The following CNGA3 variants were observed in gnomAD, a reference collection of about 807,000 sequenced individuals.
The protein encoded by CNGA3 is cyclic nucleotide-gated channel alpha-3.
CNGA3 carries 42 observed loss-of-function variants against 46.6 expected under a neutral mutation model. The observed-to-expected ratio is 0.90, with a 90% CI of 0.70 to 1.17. The LOEUF is 1.17. Ranked by LOEUF, CNGA3 falls within the 50% of genes most tolerant of loss-of-function variation. CNGA3 has a pLI of 0.00. For synonymous variants in CNGA3, 394 were observed against 369.4 expected (o/e 1.07, Z -0.76); for missense variants, 893 against 890.7 (o/e 1.00, Z -0.03).
At chr2:98,371,014 AG>A (rs1185719099) in intron 2 of CNGA3, among the ~76,000 whole-genome samples, 3 of 151,954 alleles carry the variant, frequency 2.0e-5, no homozygotes, top group Non-Finnish European at 4.4e-5. Context: ...TAGTAGAGAC[AG>A]GGTTTTGCCA....
chr2:98,364,083 GTC>G (rs1692092486), intron 1 of CNGA3, among the ~76,000 whole-genome samples: 1 of 152,028 alleles, frequency 6.6e-6, no homozygotes, highest in Non-Finnish European at 1.5e-5. Context: ...TTGCTTTAAA[GTC>G]TGTTTTGTCA....
chr2:98,376,363 T>C (rs79934305), intron 2 of CNGA3, among the ~76,000 whole-genome samples: 1 of 149,988 alleles, frequency 6.7e-6, no homozygotes, highest in Non-Finnish European at 1.5e-5. Flanking sequence ...GAGCTGGGGG[T>C]TCTGGCCTGG....
In CNGA3 at chr2:98,372,210, C is replaced by T. The variant is rs549276118; in HGVS notation, c.101+2134C>T. 3.7e-4 allele frequency among the ~76,000 whole-genome samples: 56 copies of T among 152,362 alleles called. No individual in the cohort carries two copies. The South Asian group carries it at 0.011, about 30-fold the overall frequency. On this transcript the variant is annotated intron_variant, in intron 2 of 7. Transcript: ENST00000272602. The stretch of plus-strand genomic sequence containing the variant: ...GTGGTCCTGCTGACTCACCCTGGTT[C>T]TGCTTTGGCCAGTGACCTCCAAGCC...
intron 1 of CNGA3, among the ~76,000 whole-genome samples, chr2:98,362,922 T>C (rs1395473693): frequency 6.6e-6 from 1 of 152,228 alleles, no homozygotes; most frequent in African/African-American, 2.4e-5. Context: ...CTTTCCCCAT[T>C]ACTTGCTTTG....
At chr2:98,378,982 C>T (rs1039734190) in intron 3 of CNGA3, among the ~76,000 whole-genome samples, 8 of 152,240 alleles carry the variant, frequency 5.3e-5, no homozygotes, top group African/African-American at 1.9e-4. Flanking sequence ...AAACACCCAA[C>T]CCTGTCTTCG....
intron 3 of CNGA3, chr2:98,378,136 G>T (rs1692451782): frequency 3.2e-6 from 5 of 1,550,754 alleles, no homozygotes; most frequent in African/African-American, 2.7e-5. Flanking sequence ...TGATTGGGTG[G>T]ACACAGTGGT....
intron 3 of CNGA3, among the ~76,000 whole-genome samples, chr2:98,378,503 A>G (rs369348827): frequency 7.9e-5 from 12 of 152,350 alleles, no homozygotes; most frequent in Admixed American, 5.9e-4. Flanking sequence ...AGAGTCTTAC[A>G]TAGTCACATG....
At chr2:98,377,618 C>T (rs1318391686) in intron 2 of CNGA3, 69 bp from the exon 3 acceptor site, 1 of 1,438,652 alleles carries the variant, frequency 7.0e-7, no homozygotes, top group South Asian at 1.2e-5. Flanking sequence ...GACTGTCTCA[C>T]TCCTGGCTGT....
chr2:98,390,157 A>G (rs536491486), intron 6 of CNGA3, among the ~76,000 whole-genome samples: 2 of 150,370 alleles, frequency 1.3e-5, no homozygotes, highest in African/African-American at 4.9e-5. Context: ...TTTTTTTGAG[A>G]CAGAGTCTCA....
intron 6 of CNGA3, among the ~76,000 whole-genome samples, chr2:98,391,372 G>A (rs868220921): frequency 6.6e-6 from 1 of 152,230 alleles, no homozygotes; most frequent in South Asian, 2.1e-4. Context: ...GGCGGCAGGG[G>A]CAGGCTGCTG....
chr2:98,348,207 G>A (rs1332819091), intron 1 of CNGA3, among the ~76,000 whole-genome samples: 3 of 152,176 alleles, frequency 2.0e-5, no homozygotes, highest in Non-Finnish European at 4.4e-5. Flanking sequence ...ACAGAGAGGG[G>A]CCTCCTCCTG....
At chr2:98,375,541 G>A (rs564900192) in intron 2 of CNGA3, among the ~76,000 whole-genome samples, 11 of 152,366 alleles carry the variant, frequency 7.2e-5, no homozygotes, top group African/African-American at 2.6e-4. Flanking sequence ...AAGCGGGCAA[G>A]GGAATTGTAG....
chr2:98,387,957 T>C (rs1692690352), intron 5 of CNGA3, among the ~76,000 whole-genome samples: 1 of 152,228 alleles, frequency 6.6e-6, no homozygotes, highest in African/African-American at 2.4e-5. Context: ...GTCTCCAGTC[T>C]CTGGCTGTTT....
Position 98,368,199 on chromosome 2 carries a change from C to T in CNGA3, c.-37-1740C>T, listed in dbSNP as rs529841574. 2.0e-5 allele frequency among the ~76,000 whole-genome samples: 3 copies of T among 152,344 alleles called. No homozygotes were observed. The South Asian group carries it at 6.2e-4, about 32-fold the overall frequency. ...CAGGACCCTGCTGAGCCGATGGCTG[C>T]CCTTTTGTAACTGGCAGAGGGTTGG... is the stretch of plus-strand genomic sequence containing the variant. On this transcript the variant is annotated intron_variant, in intron 1 of 7. Transcript: ENST00000272602.
chr2:98,356,049 CAG>C (rs1376314439), intron 1 of CNGA3: 1 of 152,194 alleles, frequency 6.6e-6, no homozygotes, highest in Non-Finnish European at 1.5e-5. Flanking sequence ...TCACAGGTCT[CAG>C]GGTAATTAAG....
intron 3 of CNGA3, chr2:98,378,325 C>T (rs1692460176): frequency 2.6e-6 from 3 of 1,134,830 alleles, no homozygotes; most frequent in Non-Finnish European, 3.7e-6. Flanking sequence ...CTGCTCCATC[C>T]TGAGGAAGTC....
intron 1 of CNGA3, among the ~76,000 whole-genome samples, chr2:98,362,173 C>CTTTTTTTTTT (rs1231791527): frequency 1.1e-5 from 1 of 89,824 alleles, no homozygotes; most frequent in Non-Finnish European, 2.3e-5. Context: ...CCTTTGCCCA[C>CTTTTTTTTTT]TTTTTTTTTT....
Position 98,383,926 on chromosome 2 carries a change from A to G in CNGA3, c.449+485A>G, listed in dbSNP as rs867000573. 3.3e-5 allele frequency among the ~76,000 whole-genome samples: 5 copies of G among 152,126 alleles called. 1 individual carries two copies. The highest frequency in any genetic ancestry group is 2.0e-4 in the Admixed American group (3 of 15,290). Reference sequence around the variant, plus strand: ...TTTTGAGATGGAGTCTTGCTCTGTCACCCAGGCTGGAGTGCAGTGGCGCCA... The same window carrying G: ...TTTTGAGATGGAGTCTTGCTCTGTCGCCCAGGCTGGAGTGCAGTGGCGCCA... On this transcript the variant is annotated intron_variant, in intron 5 of 7. Coordinates refer to ENST00000272602, the MANE Select transcript of CNGA3 (RefSeq NM_001298.3).
chr2:98,365,043 A>ATTT (rs35874455), intron 1 of CNGA3, among the ~76,000 whole-genome samples: 503 of 144,730 alleles, frequency 3.5e-3, no homozygotes, highest in African/African-American at 0.012. Flanking sequence ...TGCCCTTAAC[A>ATTT]TTTTTTTTTT....
Sources: allele counts gnomAD v4.1 joint callset (sites outside exome capture counted in the v4.1 genomes callset), GRCh38; gene constraint gnomAD v4.1.1; transcripts MANE v1.5; gene names NCBI Gene and HGNC (gene_info 2026-07-23, HGNC 2026-07-21).